The following BRINP3 variants were observed in gnomAD, a reference collection of about 807,000 sequenced individuals.
BRINP3 encodes BMP/retinoic acid inducible neural specific 3.
In BRINP3, 19 loss-of-function variants were observed where a neutral mutation model predicts 71.0. The ratio of observed to expected loss-of-function variants is 0.27; its 90% CI spans 0.19 to 0.39. BRINP3 has a LOEUF of 0.39. Among genes scored for constraint, BRINP3 ranks in the 10% least tolerant of loss-of-function variants. The pLI is 1.00. For synonymous variants in BRINP3, 380 were observed against 337.7 expected, an observed-to-expected ratio of 1.13 and a Z score of -1.37; for missense variants, 959 against 940.8, an observed-to-expected ratio of 1.02 and a Z score of -0.25.
chr1:190,407,482 A>G (rs1672359577), intron 2 of BRINP3, among the ~76,000 whole-genome samples: 1 of 152,180 alleles, frequency 6.6e-6, no homozygotes, highest in African/African-American at 2.4e-5. Context: ...AATGATACTG[A>G]CACTCCAACC....
At position 190,099,032 on chromosome 1, in the gene BRINP3, C is replaced by T. The variant is rs777399975; in HGVS notation, c.1287G>A (p.Pro429=). The part of the protein sequence containing the change: ...FSEETHSCTC[P]NDQVVCTAFL... ...ACGCGGTGCAGACCACCTGGTCATT[C>T]GGACACGTGCACGAGTGCGTCTCTT... The change falls in exon 8 of 8, where the codon CCG becomes CCA. Residue 429 remains proline (P), a synonymous_variant. Coordinates refer to ENST00000367462, the MANE Select transcript of BRINP3 (RefSeq NM_199051.3). 2 of 1,614,002 alleles carry T rather than the reference C, an allele frequency of 1.2e-6. No individual in the cohort carries two copies. The highest frequency in any genetic ancestry group is 1.3e-5 in the African/African-American group (1 of 74,928).
intron 6 of BRINP3, among the ~76,000 whole-genome samples, chr1:190,224,468 C>G (rs1035957199): frequency 1.3e-5 from 2 of 151,570 alleles, no homozygotes; most frequent in Non-Finnish European, 3.0e-5. Context: ...TCTCACCATA[C>G]ACAAAAATCA....
intron 2 of BRINP3, among the ~76,000 whole-genome samples, chr1:190,424,063 A>G (rs10920716): frequency 0.2 from 29,712 of 151,406 alleles, 3,011 homozygotes; most frequent in African/African-American, 0.24. Context: ...TTTTATTTTT[A>G]AATATAGTCC....
chr1:190,265,098 A>C lies in BRINP3; in HGVS notation c.428-43T>G, dbSNP rs1333739039. On this transcript the variant is annotated intron_variant, in intron 3 of 7. Coordinates refer to ENST00000367462, the MANE Select transcript of BRINP3 (RefSeq NM_199051.3). ...CAAATTATTCAATTTTCCACTTAAA[A>C]TCTTTTTTTTTAACTTATCTGCAGG... 2.6e-6 allele frequency: 4 copies of C among 1,545,944 alleles called. No individual in the cohort carries two copies. In the African/African-American group the frequency reaches 4.3e-5, roughly 16 times the overall value.
chr1:190,315,133 CTT>C (rs1271589312), intron 2 of BRINP3, among the ~76,000 whole-genome samples: 1 of 151,872 alleles, frequency 6.6e-6, no homozygotes, highest in Non-Finnish European at 1.5e-5. Context: ...TTATTGAAGA[CTT>C]TGATAAAATT....
chr1:190,180,742 G>A (rs1269032159), intron 6 of BRINP3, among the ~76,000 whole-genome samples: 1 of 151,930 alleles, frequency 6.6e-6, no homozygotes, highest in Non-Finnish European at 1.5e-5. Flanking sequence ...CAGTGTGTTA[G>A]CCATAGTATT....
rs184231303 is a variant in BRINP3, at chr1:190,118,857, T to A, written c.1185-19723A>T. 7.2e-5 allele frequency among the ~76,000 whole-genome samples: 11 copies of A among 152,306 alleles called. 1 individual carries two copies. The highest frequency in any genetic ancestry group is 6.5e-4 in the Admixed American group (10 of 15,296). On this transcript the variant is annotated intron_variant, in intron 7 of 7. Transcript: ENST00000367462. ...ATAGGGAAATAGAGAAAACCTAAAT[T>A]ATTCATTCGTTTAGTAATTCATTCG... is the stretch of plus-strand genomic sequence containing the variant.
At chr1:190,308,891 G>T (rs948300283) in intron 2 of BRINP3, among the ~76,000 whole-genome samples, 3 of 151,744 alleles carry the variant, frequency 2.0e-5, no homozygotes, top group African/African-American at 2.4e-5. Context: ...GCAGTTTGGG[G>T]ACATAAAATT....
intron 2 of BRINP3, among the ~76,000 whole-genome samples, chr1:190,316,312 T>C (rs941212): frequency 0.58 from 88,154 of 151,832 alleles, 25,764 homozygotes; most frequent in Admixed American, 0.69. Context: ...AGGTGAGAAA[T>C]CTGAGGCACT....
intron 1 of BRINP3, among the ~76,000 whole-genome samples, chr1:190,462,991 T>C (rs1676495510): frequency 6.6e-6 from 1 of 152,052 alleles, no homozygotes; most frequent in Non-Finnish European, 1.5e-5. Flanking sequence ...TTAAATCTAC[T>C]AAATGTGATT....
At chr1:190,188,589 C>T (rs1653747865) in intron 6 of BRINP3, among the ~76,000 whole-genome samples, 1 of 151,392 alleles carries the variant, frequency 6.6e-6, no homozygotes, top group Admixed American at 6.6e-5. Context: ...TCAAATGCAC[C>T]TTCTGCATCT....
At chr1:190,108,339 CGT>C (rs368317554) in intron 7 of BRINP3, among the ~76,000 whole-genome samples, 52 of 149,072 alleles carry the variant, frequency 3.5e-4, no homozygotes, top group South Asian at 3.2e-3. Flanking sequence ...ATAAGCAAAT[CGT>C]GTGTGTGTGT....
intron 2 of BRINP3, among the ~76,000 whole-genome samples, chr1:190,326,016 G>T (rs971442352): frequency 1.3e-5 from 2 of 151,982 alleles, no homozygotes; most frequent in Non-Finnish European, 2.9e-5. Context: ...CCAAGACAAG[G>T]TTGAAAATTG....
chr1:190,106,585 TAGAG>T (rs1238763889), intron 7 of BRINP3, among the ~76,000 whole-genome samples: 2 of 151,490 alleles, frequency 1.3e-5, no homozygotes, highest in Admixed American at 1.3e-4. Flanking sequence ...ATTAACAACA[TAGAG>T]AGGAAGCTAG....
intron 2 of BRINP3, among the ~76,000 whole-genome samples, chr1:190,309,193 A>G (rs1665341966): frequency 6.6e-6 from 1 of 151,888 alleles, no homozygotes; most frequent in African/African-American, 2.4e-5. Flanking sequence ...CCACAATAAA[A>G]AAAAAACTGC....
At chr1:190,462,854 T>C (rs1676486272) in intron 1 of BRINP3, among the ~76,000 whole-genome samples, 2 of 152,144 alleles carry the variant, frequency 1.3e-5, no homozygotes, top group East Asian at 1.9e-4. Context: ...AAAATAAAAA[T>C]TCAAATGAAA....
chr1:190,396,424 T>C (rs1671570644), intron 2 of BRINP3, among the ~76,000 whole-genome samples: 1 of 106,848 alleles, frequency 9.4e-6, no homozygotes, highest in Non-Finnish European at 2.1e-5. Context: ...CATCTTTTCA[T>C]TAAATCTTGA....
chr1:190,384,901 C>T (rs1670785532), intron 2 of BRINP3, among the ~76,000 whole-genome samples: 1 of 151,846 alleles, frequency 6.6e-6, no homozygotes, highest in Admixed American at 6.6e-5. Context: ...ACAGAGCCCT[C>T]AGAAATAATG....
chr1:190,378,637 C>T (rs1016570827), intron 2 of BRINP3, among the ~76,000 whole-genome samples: 7 of 152,170 alleles, frequency 4.6e-5, no homozygotes, highest in African/African-American at 1.7e-4. Context: ...AAATCATTTT[C>T]TCTTTTTAGA....
Sources: gnomAD v4.1 joint callset for allele counts (sites outside exome capture counted in the v4.1 genomes callset) on GRCh38, gnomAD v4.1.1 for gene constraint, MANE v1.5 for transcripts, NCBI Gene and HGNC (gene_info 2026-07-23, HGNC 2026-07-21) for gene names.